ITGB3BP: variants seen among roughly 807,000 people sequenced by gnomAD.
ITGB3BP encodes the protein centromere protein R.
In ITGB3BP, 27 loss-of-function variants were observed where a neutral mutation model predicts 29.1. The ratio of observed to expected loss-of-function variants is 0.93; its 90% CI spans 0.68 to 1.28. The LOEUF (loss-of-function observed/expected upper bound fraction) is 1.28, where lower values mean the gene tolerates loss of function less well. ITGB3BP is among the 50% of genes most tolerant of loss of function. The pLI is 0.00. For missense variants in ITGB3BP, 192 were observed against 200.2 expected (o/e 0.96, Z 0.25); for synonymous variants, 61 against 61.4 (o/e 0.99, Z 0.03).
intron 7 of ITGB3BP, chr1:63,449,654 A>G (rs371129424): frequency 3.9e-5 from 6 of 154,402 alleles, no homozygotes; most frequent in Middle Eastern, 1.2e-3. Context: ...GCTGAGGACT[A>G]TAGTTGTACA....
At chr1:63,510,285 G>A (rs930191523) in intron 1 of ITGB3BP, 4 of 395,664 alleles carry the variant, frequency 1.0e-5, no homozygotes, top group African/African-American at 8.2e-5. Flanking sequence ...AGATGCAATA[G>A]TATCTTTTAG....
At chr1:63,494,751 T>G (rs1645746825) in intron 2 of ITGB3BP, among the ~76,000 whole-genome samples, 1 of 152,186 alleles carries the variant, frequency 6.6e-6, no homozygotes, top group Non-Finnish European at 1.5e-5. Flanking sequence ...TTAAAGATAT[T>G]AAGATATTAA....
Position 63,507,603 on chromosome 1 carries a change from T to C in ITGB3BP, c.48+925A>G, listed in dbSNP as rs117848541. Among the ~76,000 whole-genome samples the C allele has an allele frequency of 2.2e-3, 329 of 152,346 alleles. 10 individuals carry two copies. In the East Asian group the frequency reaches 0.054, roughly 25 times the overall value. On this transcript the variant is annotated intron_variant, in intron 2 of 8. Transcript: ENST00000271002. ...TGCATTCTGCACAGAACAAGTTGGA[T>C]AATGGTATTCTAAATTGCTAATTAT...
chr1:63,470,077 C>T (rs1645170111), intron 4 of ITGB3BP, among the ~76,000 whole-genome samples: 1 of 152,220 alleles, frequency 6.6e-6, no homozygotes, highest in Admixed American at 6.5e-5. Flanking sequence ...TTTAATTCAG[C>T]CCATCCCATA....
At chr1:63,494,661 C>T (rs1364905908) in intron 2 of ITGB3BP, among the ~76,000 whole-genome samples, 1 of 152,056 alleles carries the variant, frequency 6.6e-6, no homozygotes, top group Admixed American at 6.6e-5. Context: ...GCAAATTTCA[C>T]CCTGACAAGA....
At chr1:63,452,897 C>T (rs1644881933) in intron 7 of ITGB3BP, among the ~76,000 whole-genome samples, 1 of 152,108 alleles carries the variant, frequency 6.6e-6, no homozygotes. Flanking sequence ...AGGTTCTAAA[C>T]CCAGGCTAAC....
chr1:63,510,058 T>C (rs745953782), intron 1 of ITGB3BP: 28 of 597,514 alleles, frequency 4.7e-5, no homozygotes, highest in Non-Finnish European at 3.1e-6. Context: ...AGCGTGGTGG[T>C]GCGTGCCTGT....
At chr1:63,522,189 A>C (rs1570351064) in intron 1 of ITGB3BP, among the ~76,000 whole-genome samples, 1 of 152,236 alleles carries the variant, frequency 6.6e-6, no homozygotes, top group African/African-American at 2.4e-5. Flanking sequence ...GAAAAAACGT[A>C]GATAAATTGA....
At chr1:63,446,144 C>A (rs1456081008) in intron 8 of ITGB3BP, among the ~76,000 whole-genome samples, 1 of 151,752 alleles carries the variant, frequency 6.6e-6, no homozygotes, top group African/African-American at 2.4e-5. Flanking sequence ...AGTGGTCCAC[C>A]TGCCTCAGCC....
chr1:63,516,076 T>A (rs75273740), intron 1 of ITGB3BP, among the ~76,000 whole-genome samples: 1 of 151,424 alleles, frequency 6.6e-6, no homozygotes, highest in East Asian at 2.0e-4. Flanking sequence ...CGTGTTGTTC[T>A]GCAACAACAT....
intron 3 of ITGB3BP, among the ~76,000 whole-genome samples, chr1:63,482,768 C>G (rs922598053): frequency 2.0e-5 from 3 of 151,758 alleles, no homozygotes; most frequent in Admixed American, 1.3e-4. Flanking sequence ...ATTCTCTTGC[C>G]TCAGCCTTCC....
intron 2 of ITGB3BP, among the ~76,000 whole-genome samples, chr1:63,504,318 T>C (rs1399662977): frequency 6.6e-6 from 1 of 151,948 alleles, no homozygotes; most frequent in Non-Finnish European, 1.5e-5. Flanking sequence ...TGTTTGTCTG[T>C]TATTGGTGTA....
chr1:63,475,241 A>T (rs6588033), intron 4 of ITGB3BP, among the ~76,000 whole-genome samples: 152,334 of 152,334 alleles, frequency 1, 76,167 homozygotes, highest in Non-Finnish European at 1. Context: ...CTTCCCAAAG[A>T]GCTAGGATTA....
intron 4 of ITGB3BP, among the ~76,000 whole-genome samples, chr1:63,473,629 GC>G (rs1289660404): frequency 9.9e-5 from 13 of 131,474 alleles, no homozygotes; most frequent in Middle Eastern, 4.2e-3. Flanking sequence ...GGGGGGGTCA[GC>G]CCCCCGCCCG....
In ITGB3BP at chr1:63,504,076, G is replaced by A. The variant is rs575133033; in HGVS notation, c.48+4452C>T. Among the ~76,000 whole-genome samples, 156 of 151,844 alleles carry A rather than the reference G, an allele frequency of 1.0e-3. 2 individuals are homozygous for A. The highest frequency in any genetic ancestry group is 3.3e-3 in the African/African-American group (138 of 41,210). ...AAGTCATTGGTAGCTTGATGGGGATGGCATTGAATCTATAAATTACCTTGG... is the reference window on the plus strand; with the variant it reads ...AAGTCATTGGTAGCTTGATGGGGATAGCATTGAATCTATAAATTACCTTGG... On this transcript the variant is annotated intron_variant, in intron 2 of 8. Transcript: ENST00000271002.
chr1:63,463,249 C>CAAAA (rs10693054), intron 4 of ITGB3BP, among the ~76,000 whole-genome samples: 1,662 of 76,792 alleles, frequency 0.022, 126 homozygotes, highest in African/African-American at 0.027. Flanking sequence ...AACTCTGTCT[C>CAAAA]AAAAAAAAAA....
chr1:63,516,411 A>T (rs1646328588), intron 1 of ITGB3BP, among the ~76,000 whole-genome samples: 2 of 151,818 alleles, frequency 1.3e-5, no homozygotes, highest in South Asian at 2.1e-4. Context: ...AAACAAGAGA[A>T]AAAAGAGGAA....
intron 4 of ITGB3BP, among the ~76,000 whole-genome samples, chr1:63,471,919 G>A (rs1645203953): frequency 6.6e-6 from 1 of 151,932 alleles, no homozygotes; most frequent in Non-Finnish European, 1.5e-5. Context: ...TGAGTAGCTG[G>A]GACTACAGGT....
intron 7 of ITGB3BP, among the ~76,000 whole-genome samples, chr1:63,448,557 A>G (rs926812406): frequency 7.9e-5 from 12 of 151,912 alleles, no homozygotes; most frequent in African/African-American, 2.2e-4. Flanking sequence ...TACTATAAAC[A>G]TTTGCTTTAT....
Sources: allele counts gnomAD v4.1 joint callset (sites outside exome capture counted in the v4.1 genomes callset), GRCh38; gene constraint gnomAD v4.1.1; transcripts MANE v1.5; gene names NCBI Gene and HGNC (gene_info 2026-07-23, HGNC 2026-07-21).